NRXN3: variants seen among roughly 807,000 people sequenced by gnomAD.
NRXN3 encodes the protein neurexin III.
Under a neutral mutation model 137.6 loss-of-function variants are expected in NRXN3, and 32 were observed. That is an observed-to-expected ratio of 0.23 (90% CI 0.18 to 0.31). The LOEUF is 0.31. NRXN3 is among the 10% of genes least tolerant of loss of function. The pLI is 1.00. For missense variants in NRXN3, 1,574 were observed against 2,062.5 expected (o/e 0.76, Z 4.59); for synonymous variants, 798 against 784.5 (o/e 1.02, Z -0.29).
intron 2 of NRXN3, among the ~76,000 whole-genome samples, chr14:78,266,152 A>G (rs143472262): frequency 3.3e-5 from 5 of 152,288 alleles, no homozygotes; most frequent in Admixed American, 2.6e-4. Context: ...CTGTTTTTAA[A>G]CTGTCTTTAG....
At chr14:79,392,969 C>CAAAAAA (rs3036678) in intron 15 of NRXN3, among the ~76,000 whole-genome samples, 1 of 60,702 alleles carries the variant, frequency 1.6e-5, no homozygotes, top group African/African-American at 7.2e-5. Context: ...GGCTCCATCT[C>CAAAAAA]AAAAAAAAAA....
intron 4 of NRXN3, among the ~76,000 whole-genome samples, chr14:78,546,214 C>T (rs1283812480): frequency 6.6e-6 from 1 of 152,164 alleles, no homozygotes; most frequent in Non-Finnish European, 1.5e-5. Flanking sequence ...TCACACATCC[C>T]TGATAGTGAT....
chr14:79,688,175 A>G (rs2098702858), intron 17 of NRXN3, among the ~76,000 whole-genome samples: 1 of 152,152 alleles, frequency 6.6e-6, no homozygotes, highest in Admixed American at 6.5e-5. Context: ...ACTAGAAAAG[A>G]GTCGAGTCAT....
chr14:78,636,245 T>G (rs1183812655), intron 4 of NRXN3, among the ~76,000 whole-genome samples: 5 of 152,052 alleles, frequency 3.3e-5, no homozygotes, highest in Non-Finnish European at 5.9e-5. Context: ...TCTTTATAAT[T>G]TTTCCTTTGA....
At chr14:79,072,198 G>A (rs781320390) in intron 15 of NRXN3, 3 of 152,110 alleles carry the variant, frequency 2.0e-5, no homozygotes, top group Non-Finnish European at 4.4e-5. Flanking sequence ...GGAGGAAAAT[G>A]TTTCTGATTT....
chr14:79,532,820 G>C (rs2097181312), intron 16 of NRXN3, among the ~76,000 whole-genome samples: 1 of 152,170 alleles, frequency 6.6e-6, no homozygotes. Flanking sequence ...AAATAAAATA[G>C]TTGTCAAATT....
intron 20 of NRXN3, among the ~76,000 whole-genome samples, chr14:79,837,560 A>T (rs956233161): frequency 6.6e-6 from 1 of 152,158 alleles, no homozygotes; most frequent in African/African-American, 2.4e-5. Flanking sequence ...ACTGAACAGA[A>T]ATATCCCCAT....
At chr14:78,212,028 G>A (rs1208797195) in intron 1 of NRXN3, among the ~76,000 whole-genome samples, 1 of 152,186 alleles carries the variant, frequency 6.6e-6, no homozygotes, top group Non-Finnish European at 1.5e-5. Flanking sequence ...CTCCTACTTT[G>A]TTAGAAGGGA....
intron 4 of NRXN3, among the ~76,000 whole-genome samples, chr14:78,608,432 G>C (rs1359898937): frequency 1.3e-5 from 2 of 152,060 alleles, no homozygotes; most frequent in African/African-American, 2.4e-5. Context: ...TCTCTTTACT[G>C]TTTTCACATA....
At chr14:79,252,495 AT>A (rs1287584069) in intron 15 of NRXN3, among the ~76,000 whole-genome samples, 2 of 149,040 alleles carry the variant, frequency 1.3e-5, no homozygotes, top group Non-Finnish European at 3.0e-5. Context: ...GCTCAGTAAA[AT>A]GTCCATTTTG....
intron 2 of NRXN3, among the ~76,000 whole-genome samples, chr14:78,271,801 T>TC (rs1302991575): frequency 6.6e-6 from 1 of 152,174 alleles, no homozygotes; most frequent in Non-Finnish European, 1.5e-5. Context: ...TGGGGCTCAG[T>TC]CCTCTATGAA....
chr14:78,871,615 A>G (rs1303722193), intron 10 of NRXN3, among the ~76,000 whole-genome samples: 2 of 152,056 alleles, frequency 1.3e-5, no homozygotes, highest in African/African-American at 4.8e-5. Context: ...TATCCTTTGA[A>G]TAGTTAGTAT....
At chr14:78,365,215 CAT>C (rs971137206) in intron 4 of NRXN3, among the ~76,000 whole-genome samples, 8 of 150,872 alleles carry the variant, frequency 5.3e-5, no homozygotes, top group African/African-American at 1.2e-4. Context: ...TGGAATAGGT[CAT>C]ATATATATAT....
rs1054298941 is a variant in NRXN3, at chr14:79,644,522, C to A, written c.3445-19256C>A. On this transcript the variant is annotated intron_variant, in intron 16 of 20. Transcript: ENST00000335750. ...CATTTGTAAAACTGAGATTCATATA[C>A]AACTGTGCAAAATATGTGTCCCTTT... Among the ~76,000 whole-genome samples the A allele has an allele frequency of 2.2e-5, 3 of 135,738 alleles. 1 individual carries two copies. In the Admixed American group the frequency reaches 2.3e-4, roughly 11 times the overall value. The allele number at this position is 135,738 out of a possible 152,430, so 89.0% of individuals were successfully genotyped here.
chr14:79,308,833 A>G (rs1481644776), intron 15 of NRXN3, among the ~76,000 whole-genome samples: 1 of 139,600 alleles, frequency 7.2e-6, no homozygotes, highest in East Asian at 2.2e-4. Flanking sequence ...TCATCAGCAC[A>G]GGGAAGCATT....
chr14:78,965,981 T>C, intron 11 of NRXN3, 44 bp from the exon 12 acceptor site: 2 of 1,585,494 alleles, frequency 1.3e-6, no homozygotes, highest in Middle Eastern at 1.8e-4. Context: ...CTGTGATAAA[T>C]GATGGTAACT....
chr14:79,782,764 A>C (rs980701510), intron 19 of NRXN3, among the ~76,000 whole-genome samples: 3 of 152,198 alleles, frequency 2.0e-5, no homozygotes, highest in South Asian at 4.1e-4. Context: ...AAAGAAGTTG[A>C]ATTCAGTTAA....
intron 15 of NRXN3, among the ~76,000 whole-genome samples, chr14:79,415,687 G>C (rs904827783): frequency 1.3e-5 from 2 of 152,104 alleles, no homozygotes; most frequent in Non-Finnish European, 2.9e-5. Flanking sequence ...ATGACCTGTT[G>C]TCATATCTGT....
intron 1 of NRXN3, among the ~76,000 whole-genome samples, chr14:78,239,184 C>T (rs2066748806): frequency 6.6e-6 from 1 of 152,222 alleles, no homozygotes; most frequent in South Asian, 2.1e-4. Flanking sequence ...ATGACGAGGC[C>T]CTGTGGCAGA....
Sources: allele counts gnomAD v4.1 joint callset (sites outside exome capture counted in the v4.1 genomes callset), GRCh38; gene constraint gnomAD v4.1.1; transcripts MANE v1.5; gene names NCBI Gene and HGNC (gene_info 2026-07-23, HGNC 2026-07-21).